Variants in SATB2 observed in about 807,000 individuals in gnomAD.
SATB2 encodes SATB homeobox 2.
In SATB2, 1 loss-of-function variant was observed where a neutral mutation model predicts 73.4. The ratio of observed to expected loss-of-function variants is 0.01; its 90% CI spans 0.00 to 0.06. SATB2 has a LOEUF of 0.06. SATB2 is among the 10% of genes least tolerant of loss of function. SATB2 has a pLI of 1.00. For missense variants in SATB2, 459 were observed against 945.8 expected (o/e 0.49, Z 6.75); for synonymous variants, 397 against 367.0 (o/e 1.08, Z -0.93).
chr2:199,349,200 A>G, intron 6 of SATB2, 27 bp from the exon 7 acceptor site: 1 of 1,515,262 alleles, frequency 6.6e-7, no homozygotes. Flanking sequence ...GTGATAATTA[A>G]TCATTATTTT....
intron 3 of SATB2, among the ~76,000 whole-genome samples, chr2:199,394,052 A>G (rs1444040194): frequency 6.6e-6 from 1 of 152,228 alleles, no homozygotes; most frequent in South Asian, 2.1e-4. Context: ...AAATTATTAA[A>G]GAGTAACTTT....
At chr2:199,307,230 G>C (rs1366289346) in intron 10 of SATB2, among the ~76,000 whole-genome samples, 1 of 152,172 alleles carries the variant, frequency 6.6e-6, no homozygotes, top group African/African-American at 2.4e-5. Context: ...AGTATGTTAT[G>C]AAATGATATT....
chr2:199,312,126 G>A (rs1365728753), intron 9 of SATB2, among the ~76,000 whole-genome samples: 3 of 151,802 alleles, frequency 2.0e-5, no homozygotes, highest in African/African-American at 7.3e-5. Context: ...TGTCGTGCAT[G>A]TTCAATGGGA....
intron 9 of SATB2, 63 bp downstream of exon 9, chr2:199,323,740 T>C: frequency 4.1e-6 from 6 of 1,458,336 alleles, no homozygotes; most frequent in South Asian, 1.1e-5. Flanking sequence ...GTATTTTTAT[T>C]GGTGGAGGAA....
rs184821553 is a variant in SATB2, at chr2:199,416,856, G to A, written c.346+16482C>T. On this transcript the variant is annotated intron_variant, in intron 3 of 10. Transcript: ENST00000417098. ...TCGAGACCATCCTGGCTAACATGGT[G>A]AAACCCTATCTCTACTAAAAATACA... Among the ~76,000 whole-genome samples the A allele has an allele frequency of 2.1e-3, 317 of 152,202 alleles. 2 individuals carry two copies. The highest frequency in any genetic ancestry group is 2.6e-3 in the Non-Finnish European group (176 of 68,008).
chr2:199,459,460 G>C (rs890092562), upstream of SATB2, among the ~76,000 whole-genome samples: 2 of 152,176 alleles, frequency 1.3e-5, no homozygotes, highest in African/African-American at 4.8e-5. This position sits in a 1 kb window ranked among gnomAD's most constrained non-coding sequence, Gnocchi z 4.2. Flanking sequence ...TTAAGGAAAA[G>C]CACGTGGGCA....
At chr2:199,376,817 A>C (rs1313960549) in intron 5 of SATB2, among the ~76,000 whole-genome samples, 1 of 152,122 alleles carries the variant, frequency 6.6e-6, no homozygotes, top group African/African-American at 2.4e-5. Flanking sequence ...AGGTTGAGGC[A>C]CTTCACTAGC....
chr2:199,450,193 G>A (rs1692083237), intron 2 of SATB2, among the ~76,000 whole-genome samples: 1 of 152,040 alleles, frequency 6.6e-6, no homozygotes, highest in African/African-American at 2.4e-5. Flanking sequence ...CACAACTCAT[G>A]AAATAATATG....
intron 3 of SATB2, among the ~76,000 whole-genome samples, chr2:199,406,334 T>C (rs1690627493): frequency 6.6e-6 from 1 of 152,246 alleles, no homozygotes; most frequent in Non-Finnish European, 1.5e-5. Context: ...CTTATAGTTT[T>C]ATAATTTTGT....
chr2:199,440,823 T>C (rs974363605), intron 2 of SATB2, among the ~76,000 whole-genome samples: 4 of 151,278 alleles, frequency 2.6e-5, no homozygotes, highest in Admixed American at 1.3e-4. Context: ...TTTCCAGTTA[T>C]GAGGAAGGCA....
intron 6 of SATB2, among the ~76,000 whole-genome samples, chr2:199,366,207 G>A (rs1345603867): frequency 1.3e-5 from 2 of 151,968 alleles, no homozygotes; most frequent in African/African-American, 2.4e-5. Flanking sequence ...TGACTTCTGG[G>A]GTCTCAGAAA....
chr2:199,462,950 G>T lies in SATB2; in HGVS notation c.-141+1886C>A, dbSNP rs1297681856. 6.6e-6 allele frequency among the ~76,000 whole-genome samples: 1 copy of T among 152,224 alleles called. No homozygotes were observed. Among genetic ancestry groups the T allele is most frequent in the Non-Finnish European group, 1.5e-5 (1 of 68,040 alleles). On this transcript the variant is annotated intron_variant, in intron 1 of 11. Coordinates refer to the SATB2 transcript ENST00000260926. This position sits in a 1 kb window ranked among gnomAD's most constrained non-coding sequence, Gnocchi z 5.9. ...CAGGAGCTGCCTCAGGCGAGGACGG[G>T]GAGCTTTCTGCACTGGGCTTCCCGG...
chr2:199,378,585 G>A (rs894511230), intron 5 of SATB2, among the ~76,000 whole-genome samples: 5 of 151,954 alleles, frequency 3.3e-5, no homozygotes, highest in Admixed American at 2.0e-4. Flanking sequence ...CTGCCTATAC[G>A]TGAATGCATG....
intron 3 of SATB2, among the ~76,000 whole-genome samples, chr2:199,409,131 T>C (rs1024512021): frequency 6.6e-6 from 1 of 151,772 alleles, no homozygotes; most frequent in African/African-American, 2.4e-5. Flanking sequence ...TGAATTTAGA[T>C]CATGTGCAAA....
intron 3 of SATB2, 64 bp from the exon 4 acceptor site, chr2:199,381,884 G>A: frequency 6.4e-7 from 1 of 1,570,944 alleles, no homozygotes. Context: ...CCCATTGTTT[G>A]TTCAATGTTA....
chr2:199,463,658 G>A lies in SATB2; in HGVS notation c.-141+1178C>T, dbSNP rs187643822. On this transcript the variant is annotated intron_variant, in intron 1 of 11. Coordinates refer to the SATB2 transcript ENST00000260926. The surrounding 1 kb of genome is among the most constrained non-coding windows in gnomAD (Gnocchi z 6.4). ...CCTTCCGCGTCGCCTGCAGTCCACG[G>A]GTTAAGGATGTGGCGGGGGATGGGC... 3.7e-3 allele frequency among the ~76,000 whole-genome samples: 561 copies of A among 152,320 alleles called. 3 individuals carry two copies. Among genetic ancestry groups the A allele is most frequent in the African/African-American group, 0.013 (528 of 41,580 alleles).
At chr2:199,453,265 A>G (rs1692181282) in intron 2 of SATB2, among the ~76,000 whole-genome samples, 1 of 152,112 alleles carries the variant, frequency 6.6e-6, no homozygotes, top group African/African-American at 2.4e-5. Flanking sequence ...TTTTAAAAGA[A>G]CAGCTTTTAA....
intron 3 of SATB2, chr2:199,423,980 G>C (rs1691251915): frequency 6.6e-6 from 1 of 152,196 alleles, no homozygotes; most frequent in African/African-American, 2.4e-5. Flanking sequence ...TGCGCTGTCT[G>C]ATTTGCATAT....
At chr2:199,285,877 G>GTT (rs1236266312) in intron 10 of SATB2, among the ~76,000 whole-genome samples, 85,719 of 136,200 alleles carry the variant, frequency 0.63, 30,076 homozygotes, top group Non-Finnish European at 0.79. Context: ...GCCTTAGTCT[G>GTT]TTTTTTTTTT....
Sources: gnomAD v4.1 joint callset for allele counts (sites outside exome capture counted in the v4.1 genomes callset) on GRCh38, gnomAD v4.1.1 for gene constraint, Gnocchi (gnomAD v3.1) non-coding constraint, MANE v1.5 for transcripts, NCBI Gene and HGNC (gene_info 2026-07-23, HGNC 2026-07-21) for gene names.